TNKS: variants seen among roughly 807,000 people sequenced by gnomAD.
The protein encoded by TNKS is tankyrase.
TNKS carries 72 observed loss-of-function variants against 135.8 expected under a neutral mutation model. That is an observed-to-expected ratio of 0.53 (90% CI 0.44 to 0.64). The LOEUF is 0.64. Among genes scored for constraint, TNKS ranks in the 30% least tolerant of loss-of-function variants. The pLI, the probability that TNKS is intolerant of heterozygous loss-of-function variation, is 0.00. For missense variants in TNKS, 1,769 were observed against 1,674.0 expected (o/e 1.06, Z -0.99); for synonymous variants, 849 against 649.3 (o/e 1.31, Z -4.68).
intron 1 of TNKS, among the ~76,000 whole-genome samples, chr8:9,569,162 T>C (rs1477156054): frequency 1.8e-4 from 27 of 152,350 alleles, no homozygotes; most frequent in Non-Finnish European, 3.7e-4. Flanking sequence ...GCTCAGATTT[T>C]ATCATTGGGA....
chr8:9,609,825 T>C (rs1383753045), intron 2 of TNKS, among the ~76,000 whole-genome samples: 1 of 152,192 alleles, frequency 6.6e-6, no homozygotes, highest in African/African-American at 2.4e-5. Flanking sequence ...CCATCCTATA[T>C]AGGGATAGCA....
At chr8:9,579,664 T>A (rs1798094484) in intron 1 of TNKS, among the ~76,000 whole-genome samples, 1 of 152,148 alleles carries the variant, frequency 6.6e-6, no homozygotes, top group African/African-American at 2.4e-5. Context: ...AGACGGGGTA[T>A]CACCATGTTG....
intron 1 of TNKS, among the ~76,000 whole-genome samples, chr8:9,559,189 A>G (rs1214095513): frequency 6.6e-6 from 1 of 152,188 alleles, no homozygotes; most frequent in Non-Finnish European, 1.5e-5. Context: ...ACAAAAACCT[A>G]TAAAGTATCT....
intron 2 of TNKS, among the ~76,000 whole-genome samples, chr8:9,592,347 T>G (rs1243795685): frequency 6.6e-6 from 1 of 152,208 alleles, no homozygotes; most frequent in Non-Finnish European, 1.5e-5. Flanking sequence ...TTTTAGCTAT[T>G]TCTTCATCTT....
chr8:9,628,371 T>TC (rs1160087456), intron 3 of TNKS, among the ~76,000 whole-genome samples: 1 of 152,198 alleles, frequency 6.6e-6, no homozygotes, highest in African/African-American at 2.4e-5. Flanking sequence ...TTTGTTTTTT[T>TC]CTCCCTGAGT....
Position 9,704,710 on chromosome 8 carries a change from T to C in TNKS, c.1155T>C (p.Val385=), listed in dbSNP as rs770248031. The C allele has an allele frequency of 1.9e-6, 3 of 1,613,670 alleles. No individual in the cohort carries two copies. The South Asian group carries it at 3.3e-5, about 18-fold the overall frequency. Residue 385 remains valine, a synonymous_variant, in exon 6 of 27, where the codon GTT becomes GTC. Coordinates refer to ENST00000310430, the MANE Select transcript of TNKS (RefSeq NM_003747.3). The part of the protein sequence containing the change: ...LAAGYNRVRI[V]QLLLQHGADV... ...CGGGCTACAACAGAGTTCGAATAGT[T>C]CAGCTTCTTCTTCAGCATGGTGCTG...
At chr8:9,649,704 A>G (rs1438055859) in intron 3 of TNKS, among the ~76,000 whole-genome samples, 1 of 151,388 alleles carries the variant, frequency 6.6e-6, no homozygotes, top group Non-Finnish European at 1.5e-5. Flanking sequence ...GCTACTACTT[A>G]TTAGTGAGAA....
chr8:9,659,681 G>A (rs1453633433), intron 3 of TNKS, among the ~76,000 whole-genome samples: 3 of 152,174 alleles, frequency 2.0e-5, no homozygotes, highest in Admixed American at 6.5e-5. Flanking sequence ...AAGAACTAGA[G>A]AAGCAACAGC....
At chr8:9,690,823 C>A (rs923627532) in intron 5 of TNKS, among the ~76,000 whole-genome samples, 1 of 152,114 alleles carries the variant, frequency 6.6e-6, no homozygotes, top group Non-Finnish European at 1.5e-5. Flanking sequence ...ACTTCCATTA[C>A]TTTGGAAGAA....
chr8:9,639,891 G>T (rs926245404), intron 3 of TNKS, among the ~76,000 whole-genome samples: 1 of 152,162 alleles, frequency 6.6e-6, no homozygotes, highest in Admixed American at 6.5e-5. Flanking sequence ...AGTAAATTGT[G>T]TGAAGCTTAT....
chr8:9,610,716 A>G (rs528894695), intron 2 of TNKS, among the ~76,000 whole-genome samples: 2 of 152,170 alleles, frequency 1.3e-5, no homozygotes, highest in South Asian at 4.1e-4. Flanking sequence ...TTAAAGTAAA[A>G]ACTTCCTAAA....
intron 3 of TNKS, among the ~76,000 whole-genome samples, chr8:9,634,673 C>A (rs148955675): frequency 6.6e-6 from 1 of 152,276 alleles, no homozygotes; most frequent in East Asian, 1.9e-4. Context: ...GCATCAGAAT[C>A]ACTGCGGGAA....
intron 3 of TNKS, among the ~76,000 whole-genome samples, chr8:9,672,753 C>G (rs1298856444): frequency 6.6e-6 from 1 of 150,862 alleles, no homozygotes; most frequent in Non-Finnish European, 1.5e-5. Context: ...CCCCCAGCCC[C>G]TAGCTGCCAT....
Position 9,680,711 on chromosome 8 carries a change from C to T in TNKS, c.1032-14C>T. ...TTGTAATTTTAGAGGAATTGACTTA[C>T]TACCTTTTTATAGGAGTGGTAATGA... On this transcript the variant is annotated splice_polypyrimidine_tract_variant and intron_variant, in intron 4 of 26. Coordinates refer to ENST00000310430, the MANE Select transcript of TNKS (RefSeq NM_003747.3). 2 of 1,583,526 alleles carry T rather than the reference C, an allele frequency of 1.3e-6. No homozygotes were observed. Among genetic ancestry groups the T allele is most frequent in the East Asian group, 2.2e-5 (1 of 44,510 alleles).
intron 5 of TNKS, among the ~76,000 whole-genome samples, chr8:9,700,605 T>C (rs1326868331): frequency 1.3e-5 from 1 of 77,144 alleles, no homozygotes; most frequent in Non-Finnish European, 2.9e-5. Context: ...TCCCTTACAC[T>C]CCCTTCTTTT....
chr8:9,740,947 C>G (rs1215861645), intron 17 of TNKS: 1 of 146,930 alleles, frequency 6.8e-6, no homozygotes, highest in Admixed American at 7.0e-5. Context: ...GTAGCTGGAA[C>G]TACAGGCGCC....
At chr8:9,575,304 C>G (rs1585185220) in intron 1 of TNKS, 2 of 743,564 alleles carry the variant, frequency 2.7e-6, no homozygotes, top group African/African-American at 3.8e-5. Flanking sequence ...CTAGGATGGT[C>G]TCGATTTCCT....
chr8:9,776,903 TA>T lies in TNKS; in HGVS notation c.*168del. ...AGTGATGAATAGTATGAGTAACTGA[TA>T]CATACTCAACTGCTACTGTTCCCTT... On this transcript the variant is annotated 3_prime_UTR_variant, in exon 27 of 27. Coordinates refer to ENST00000310430, the MANE Select transcript of TNKS (RefSeq NM_003747.3). 1.6e-6 allele frequency: 1 copy of T among 622,370 alleles called. No homozygotes were observed. The highest frequency in any genetic ancestry group is 2.1e-5 in the South Asian group (1 of 47,734). 38.6% of individuals were successfully genotyped at this position (622,370 alleles called of 1,614,324 possible).
intron 3 of TNKS, among the ~76,000 whole-genome samples, chr8:9,641,987 A>T (rs1585266559): frequency 6.8e-6 from 1 of 146,220 alleles, no homozygotes; most frequent in Non-Finnish European, 1.5e-5. Flanking sequence ...GACACCTCGA[A>T]TTTCAATTTT....
Sources: gnomAD v4.1 joint callset for allele counts (sites outside exome capture counted in the v4.1 genomes callset) on GRCh38, gnomAD v4.1.1 for gene constraint, MANE v1.5 for transcripts, NCBI Gene and HGNC (gene_info 2026-07-23, HGNC 2026-07-21) for gene names.